RIPK1: variants seen among roughly 807,000 people sequenced by gnomAD.
The protein encoded by RIPK1 is receptor interacting serine/threonine kinase 1, also known as receptor-interacting serine/threonine-protein kinase 1.
In RIPK1, 27 loss-of-function variants were observed where a neutral mutation model predicts 62.4. That is an observed-to-expected ratio of 0.43 (90% CI 0.32 to 0.60). The LOEUF is 0.60. Ranked by LOEUF, RIPK1 falls within the 20% of genes least tolerant of loss-of-function variation. The pLI is 0.07. For missense variants in RIPK1, 735 were observed against 831.0 expected (o/e 0.88, Z 1.42); for synonymous variants, 287 against 303.2 (o/e 0.95, Z 0.55).
rs545144432 is a variant in RIPK1 at position 3,072,549 on chromosome 6, C to G, written c.-61+3888C>G. Among the ~76,000 whole-genome samples, 2 of 151,966 alleles carry G rather than the reference C, an allele frequency of 1.3e-5. No individual in the cohort carries two copies. The highest frequency in any genetic ancestry group is 2.9e-5 in the Non-Finnish European group (2 of 68,004). ...TATTTTTTTGGACAATTAAATAGTT[C>G]TCTTTTTAAAATAGTTATTCAATTG... On this transcript the variant is annotated intron_variant, in intron 1 of 10. Transcript: ENST00000259808. The surrounding 1 kb of genome is among the most constrained non-coding windows in gnomAD (Gnocchi z 5.6).
chr6:3,068,794 C>T (rs1230349168), intron 1 of RIPK1, 133 bp downstream of exon 1: 2 of 404,110 alleles, frequency 4.9e-6, no homozygotes, highest in Non-Finnish European at 6.7e-6. Flanking sequence ...GGAGTAATCC[C>T]CAACCCTCCG....
intron 6 of RIPK1, among the ~76,000 whole-genome samples, chr6:3,086,963 A>C (rs1439498288): frequency 1.3e-5 from 2 of 152,210 alleles, no homozygotes; most frequent in African/African-American, 4.8e-5. Context: ...AGAAGACTCC[A>C]AGGATTTTAG....
chr6:3,077,517 T>C (rs1759136536), intron 2 of RIPK1, among the ~76,000 whole-genome samples: 1 of 152,154 alleles, frequency 6.6e-6, no homozygotes, highest in Non-Finnish European at 1.5e-5. Context: ...CTTGCTGCTG[T>C]TCATGTACTT....
chr6:3,085,266 C>T lies in RIPK1; in HGVS notation c.696C>T (p.Ile232=). The T allele has an allele frequency of 5.0e-6, 8 of 1,614,192 alleles. No individual in the cohort carries two copies. Among genetic ancestry groups the T allele is most frequent in the Non-Finnish European group, 6.8e-6 (8 of 1,180,022 alleles). Residue 232 remains isoleucine (I), a synonymous_variant, in exon 6 of 11, where the codon ATC becomes ATT. Transcript: ENST00000259808. ...FANKEPYENA[I]CEQQLIMCIK... ...AAAGTCTTTGCTTTGTAGATGCTAT[C>T]TGTGAGCAGCAGTTGATAATGTGCA...
intron 4 of RIPK1, among the ~76,000 whole-genome samples, 158 bp from the exon 5 acceptor site, chr6:3,082,927 G>A (rs190765115): frequency 1.9e-3 from 294 of 152,302 alleles, no homozygotes; most frequent in African/African-American, 6.9e-3. Context: ...GTTTCTATGA[G>A]TCTGTTGAGA....
At position 3,076,721 on chromosome 6, in the gene RIPK1, T is replaced by TATATATATATATATATATATATATATAC. The variant is rs1759077209; in HGVS notation, c.-60-38_-60-37insTATATATATATATATATATATACATATA. The TATATATATATATATATATATATATATAC allele has an allele frequency of 5.5e-6, 3 of 548,580 alleles. No homozygotes were observed. The African/African-American group carries it at 6.6e-5, about 12-fold the overall frequency. 34.0% of individuals were successfully genotyped at this position (548,580 alleles called of 1,614,324 possible). A position where few individuals can be genotyped will look rare whatever the true frequency, so the allele number is the denominator to read the frequency against. ...AAACATATATATATATATATATATATATATAGTCTTGCCCTGAGGTTTTCT... is the reference window on the plus strand; with the variant it reads ...AAACATATATATATATATATATATATATATATATATATATATATATATATATACATATAGTCTTGCCCTGAGGTTTTCT... On this transcript the variant is annotated intron_variant, in intron 1 of 10. Transcript: ENST00000259808.
chr6:3,077,960 G>A, intron 3 of RIPK1, 25 bp downstream of exon 3: 1 of 1,611,122 alleles, frequency 6.2e-7, no homozygotes, highest in Non-Finnish European at 8.5e-7. Flanking sequence ...TCCGCACGGG[G>A]ATCCCCAGCG....
intron 1 of RIPK1, among the ~76,000 whole-genome samples, chr6:3,075,783 C>G (rs866908986): frequency 2.2e-4 from 34 of 151,798 alleles, no homozygotes; most frequent in Admixed American, 2.6e-4. Context: ...GCGATCCTCT[C>G]AATTCAAAGT....
intron 1 of RIPK1, among the ~76,000 whole-genome samples, chr6:3,069,188 C>T (rs1220506425): frequency 1.3e-5 from 2 of 152,218 alleles, no homozygotes; most frequent in Non-Finnish European, 2.9e-5. Context: ...GCTCCTAGTG[C>T]CCTATCATTA....
At chr6:3,107,883 A>C (rs1760945001) in intron 9 of RIPK1, among the ~76,000 whole-genome samples, 1 of 152,008 alleles carries the variant, frequency 6.6e-6, no homozygotes, top group African/African-American at 2.4e-5. Context: ...TTCAGTGGGA[A>C]AGGGGCGCTT....
intron 7 of RIPK1, among the ~76,000 whole-genome samples, chr6:3,094,936 G>A (rs1760205384): frequency 6.6e-6 from 1 of 152,070 alleles, no homozygotes; most frequent in African/African-American, 2.4e-5. Flanking sequence ...ATGGTGGCAT[G>A]TGCCAGTAGT....
chr6:3,070,082 T>C (rs1758627409), intron 1 of RIPK1, among the ~76,000 whole-genome samples: 2 of 152,204 alleles, frequency 1.3e-5, no homozygotes, highest in Non-Finnish European at 2.9e-5. Flanking sequence ...ACTAGGCTTG[T>C]TTAAAATGAA....
In RIPK1 at chr6:3,081,123, C is replaced by T; in HGVS notation, c.459+7C>T. 6.2e-7 allele frequency: 1 copy of T among 1,611,976 alleles called. No individual in the cohort carries two copies. The highest frequency in any genetic ancestry group is 8.5e-7 in the Non-Finnish European group (1 of 1,179,182). ...TAATGACTTCCACATTAAGGTAAAC[C>T]ATCATCGGTAGGCTTCCAGAAAGTT... On this transcript the variant is annotated splice_region_variant and intron_variant, in intron 4 of 10. Coordinates refer to ENST00000259808, the MANE Select transcript of RIPK1 (RefSeq NM_001354930.2).
Position 3,105,890 on chromosome 6 carries a change from A to G in RIPK1, c.1415A>G (p.His472Arg), listed in dbSNP as rs1760824258. The G allele has an allele frequency of 2.5e-6, 4 of 1,614,160 alleles. No homozygotes were observed. The highest frequency in any genetic ancestry group is 1.3e-5 in the African/African-American group (1 of 75,034). The change falls in exon 9 of 11, where the codon CAT (histidine) becomes CGT (arginine). Residue 472 changes from histidine to arginine, a missense_variant. His to Arg is a conservative substitution (Grantham distance 29). Transcript: ENST00000259808. This position sits in a 1 kb window ranked among gnomAD's most constrained non-coding sequence, Gnocchi z 4.5. ...LYQNNGLYSSHGFGTRPLDPG... is the reference protein window; with the variant it reads ...LYQNNGLYSSRGFGTRPLDPG... ...CAGAACAATGGATTATATAGCTCAC[A>G]TGGCTTTGGAACAAGACCACTGGAT...
chr6:3,106,048 A>G lies in RIPK1; in HGVS notation c.1573A>G (p.Thr525Ala). The G allele has an allele frequency of 6.3e-7, 1 of 1,597,216 alleles. No individual in the cohort carries two copies. The highest frequency in any genetic ancestry group is 8.6e-7 in the Non-Finnish European group (1 of 1,167,900). The change falls in exon 9 of 11, where the codon ACA becomes GCA. Residue 525 changes from threonine to alanine, a missense_variant. Physicochemically the swap from Thr to Ala is moderately conservative, Grantham distance 58. This residue lies in a region of RIPK1 where 671 missense variants were observed against 726.2 expected (regional missense o/e 0.92). Transcript: ENST00000259808. The stretch of plus-strand genomic sequence containing the variant: ...CATGCCATTCAGCTCCTTGCCACCA[A>G]CAGGTAAATGGGTCTTCGATAGTCA... ...PTMPFSSLPP[T>A]DESIKYTIYN...
chr6:3,065,793 T>C (rs1030919474), upstream of RIPK1, among the ~76,000 whole-genome samples: 1 of 152,228 alleles, frequency 6.6e-6, no homozygotes, highest in Non-Finnish European at 1.5e-5. Flanking sequence ...TCCATTCTGG[T>C]GTTCTGCAAG....
intron 1 of RIPK1, among the ~76,000 whole-genome samples, chr6:3,074,742 T>C (rs1025777219): frequency 2.6e-5 from 4 of 151,704 alleles, no homozygotes; most frequent in African/African-American, 9.7e-5. Context: ...GTGAGTGGCA[T>C]GCGATCTCGG....
Position 3,072,828 on chromosome 6 carries a change from T to C in RIPK1, c.-60-3936T>C, listed in dbSNP as rs890879091. Among the ~76,000 whole-genome samples the C allele has an allele frequency of 1.3e-5, 2 of 152,152 alleles. No homozygotes were observed. Among genetic ancestry groups the C allele is most frequent in the Non-Finnish European group, 2.9e-5 (2 of 68,016 alleles). On this transcript the variant is annotated intron_variant, in intron 1 of 10. Transcript: ENST00000259808. The surrounding 1 kb of genome is among the most constrained non-coding windows in gnomAD (Gnocchi z 5.6). The stretch of plus-strand genomic sequence containing the variant: ...ATGACCCTTATGGAATGGGGAAGGC[T>C]TCACAGTTCTGCCTGCTCCAGTGAT...
At chr6:3,083,768 G>C (rs1354001665) in intron 5 of RIPK1, among the ~76,000 whole-genome samples, 2 of 152,078 alleles carry the variant, frequency 1.3e-5, no homozygotes, top group African/African-American at 4.8e-5. Flanking sequence ...GTGATCATCA[G>C]CTCCCATGGT....
Sources: gnomAD v4.1 joint callset for allele counts (sites outside exome capture counted in the v4.1 genomes callset) on GRCh38, gnomAD v4.1.1 for gene constraint, gnomAD v4.1.1 regional missense constraint, Gnocchi (gnomAD v3.1) non-coding constraint, MANE v1.5 for transcripts, NCBI Gene and HGNC (gene_info 2026-07-23, HGNC 2026-07-21) for gene names.